The following FAM13B variants were observed in gnomAD, a reference collection of about 807,000 sequenced individuals.
FAM13B encodes protein FAM13B.
In FAM13B, 60 loss-of-function variants were observed where a neutral mutation model predicts 117.3. The observed-to-expected ratio is 0.51, with a 90% CI of 0.42 to 0.63. The LOEUF is 0.63. FAM13B is among the 30% of genes least tolerant of loss of function. The probability of loss-of-function intolerance (pLI) is 0.00; values close to 1 mark genes in which losing one functional copy is unlikely to be tolerated. For synonymous variants in FAM13B, 332 were observed against 356.1 expected, an observed-to-expected ratio of 0.93 and a Z score of 0.76; for missense variants, 972 against 1,091.9, an observed-to-expected ratio of 0.89 and a Z score of 1.55.
upstream of FAM13B, among the ~76,000 whole-genome samples, chr5:138,037,916 C>T (rs1227696815): frequency 3.9e-5 from 6 of 152,210 alleles, no homozygotes; most frequent in Admixed American, 3.3e-4. Context: ...AGCCTTTTGA[C>T]TCTGGTCAAG....
intron 23 of FAM13B, 184 bp from the exon 24 acceptor site, chr5:137,940,532 T>C (rs868423761): frequency 1.8e-6 from 1 of 547,364 alleles, no homozygotes; most frequent in Non-Finnish European, 3.2e-6. Context: ...TCTAAAATTT[T>C]TGATGGACTT....
intron 1 of FAM13B, among the ~76,000 whole-genome samples, chr5:138,044,425 G>T (rs186641246): frequency 6.6e-6 from 1 of 151,736 alleles, no homozygotes; most frequent in Non-Finnish European, 1.5e-5. Context: ...GGTGGCACAC[G>T]CCTGTAATTC....
intron 15 of FAM13B, 148 bp from the exon 16 acceptor site, chr5:137,953,613 C>A: frequency 3.9e-6 from 3 of 776,304 alleles, no homozygotes; most frequent in Non-Finnish European, 6.1e-6. Context: ...TATAAAGAAA[C>A]ACTGTAATGT....
At chr5:138,036,564 G>C (rs1561556635), upstream of FAM13B, 1 of 456,700 alleles carries the variant, frequency 2.2e-6, no homozygotes. Context: ...AGGCAGGCAG[G>C]CACCTGTGGT....
At chr5:137,980,749 A>G (rs1397282160) in intron 10 of FAM13B, among the ~76,000 whole-genome samples, 3 of 151,794 alleles carry the variant, frequency 2.0e-5, no homozygotes, top group Non-Finnish European at 2.9e-5. Context: ...CTAATACACC[A>G]ATTTCATTCA....
At chr5:138,040,534 T>C (rs556330703) in intron 1 of FAM13B, among the ~76,000 whole-genome samples, 1 of 152,028 alleles carries the variant, frequency 6.6e-6, no homozygotes, top group Admixed American at 6.6e-5. Context: ...ATCGCGCCAC[T>C]GCACTCCAGC....
At chr5:138,042,703 G>A (rs1247638342) in intron 1 of FAM13B, among the ~76,000 whole-genome samples, 1 of 151,686 alleles carries the variant, frequency 6.6e-6, no homozygotes, top group Non-Finnish European at 1.5e-5. Context: ...GGTTCTTCTG[G>A]GAACGAGGGG....
At position 137,956,517 on chromosome 5, in the gene FAM13B, G is replaced by A. The variant is rs747480417; in HGVS notation, c.1467C>T (p.Leu489=). The A allele has an allele frequency of 5.0e-6, 8 of 1,600,318 alleles. No individual in the cohort carries two copies. The highest frequency in any genetic ancestry group is 1.7e-5 in the Admixed American group (1 of 58,396). The change falls in exon 14 of 24, where the codon CTC becomes CTT. Residue 489 remains leucine, a synonymous_variant. Transcript: ENST00000689681. Reference sequence around the variant, plus strand: ...GCAGATGCATTGTTTTGAAATCAATGAGGGGAAAAGTGATAGGGCATGACG... The same window carrying A: ...GCAGATGCATTGTTTTGAAATCAATAAGGGGAAAAGTGATAGGGCATGACG... ...WEASCPITFP[L]IDFKTMHLQR... is the part of the protein sequence containing the mutation.
chr5:138,048,972 C>G (rs1041474111), intron 1 of FAM13B, among the ~76,000 whole-genome samples: 23 of 131,666 alleles, frequency 1.7e-4, no homozygotes, highest in Admixed American at 5.3e-4. Flanking sequence ...AAGGCGAAGT[C>G]ACTCCTTTGC....
chr5:137,976,775 T>C (rs960175336), intron 10 of FAM13B, among the ~76,000 whole-genome samples: 3 of 152,222 alleles, frequency 2.0e-5, no homozygotes, highest in Non-Finnish European at 4.4e-5. Context: ...TTTACTTTAA[T>C]CTCTTAATCC....
At chr5:137,964,089 T>C (rs1447818503) in intron 10 of FAM13B, among the ~76,000 whole-genome samples, 1 of 152,052 alleles carries the variant, frequency 6.6e-6, no homozygotes, top group African/African-American at 2.4e-5. Flanking sequence ...TTTGAGACAG[T>C]CTCACTCTGT....
At chr5:137,952,416 T>C (rs1422591010) in intron 17 of FAM13B, among the ~76,000 whole-genome samples, 1 of 152,158 alleles carries the variant, frequency 6.6e-6, no homozygotes, top group African/African-American at 2.4e-5. Context: ...AAAAAAGACA[T>C]TTAAAATATA....
chr5:137,981,646 C>T lies in FAM13B; in HGVS notation c.1179+3611G>A, dbSNP rs934182298. Among the ~76,000 whole-genome samples, 53 of 151,838 alleles carry T rather than the reference C, an allele frequency of 3.5e-4. 1 individual carries two copies. Among genetic ancestry groups the T allele is most frequent in the Non-Finnish European group, 1.2e-4 (8 of 67,948 alleles). ...ACTAAAAATACAAAAATTAGCCGGG[C>T]GTGGTGGCACATGCCTGTAATCCCA... On this transcript the variant is annotated intron_variant, in intron 10 of 23. Transcript: ENST00000689681.
At chr5:138,038,024 C>T (rs974774626), upstream of FAM13B, among the ~76,000 whole-genome samples, 3 of 152,154 alleles carry the variant, frequency 2.0e-5, no homozygotes, top group East Asian at 5.8e-4. Flanking sequence ...TAGCCATATA[C>T]AATTTTTTCA....
chr5:138,011,756 TA>T lies in FAM13B; in HGVS notation c.548+11del. ...TTTTAAAAATTAAACAAAAATTTTTTAAACAACTTACTGGAAGACATCTGGA... is the reference window on the plus strand; with the variant it reads ...TTTTAAAAATTAAACAAAAATTTTTTAACAACTTACTGGAAGACATCTGGA... On this transcript the variant is annotated intron_variant, in intron 5 of 23. Transcript: ENST00000689681. 6.3e-7 allele frequency: 1 copy of T among 1,590,936 alleles called. No homozygotes were observed. The highest frequency in any genetic ancestry group is 2.3e-5 in the East Asian group (1 of 44,312).
At chr5:137,994,328 C>T (rs760011280) in intron 7 of FAM13B, among the ~76,000 whole-genome samples, 1 of 152,192 alleles carries the variant, frequency 6.6e-6, no homozygotes, top group Non-Finnish European at 1.5e-5. Flanking sequence ...ATGAATTGTA[C>T]AACTTTGTTC....
chr5:138,011,660 C>T (rs1034959381), intron 5 of FAM13B, 108 bp downstream of exon 5: 15 of 686,632 alleles, frequency 2.2e-5, no homozygotes, highest in Middle Eastern at 3.5e-4. Context: ...CCTTGTGATC[C>T]GCCCGCATCA....
intron 10 of FAM13B, among the ~76,000 whole-genome samples, chr5:137,968,098 T>C (rs1441737866): frequency 6.6e-6 from 1 of 151,402 alleles, no homozygotes; most frequent in Non-Finnish European, 1.5e-5. Flanking sequence ...GGCGTGTGCC[T>C]ATAATCCCAG....
chr5:137,961,003 C>T (rs1767967082), intron 11 of FAM13B, among the ~76,000 whole-genome samples: 1 of 152,154 alleles, frequency 6.6e-6, no homozygotes, highest in African/African-American at 2.4e-5. Flanking sequence ...AGTATGCACT[C>T]AGGAGACATG....
Sources: gnomAD v4.1 joint callset for allele counts (sites outside exome capture counted in the v4.1 genomes callset) on GRCh38, gnomAD v4.1.1 for gene constraint, MANE v1.5 for transcripts, NCBI Gene and HGNC (gene_info 2026-07-23, HGNC 2026-07-21) for gene names.